Variants in AASS observed in about 807,000 individuals in gnomAD.
AASS encodes the protein alpha-aminoadipic semialdehyde synthase, mitochondrial.
Under a neutral mutation model 105.4 loss-of-function variants are expected in AASS, and 86 were observed. The ratio of observed to expected loss-of-function variants is 0.82; its 90% CI spans 0.69 to 0.98. The LOEUF (loss-of-function observed/expected upper bound fraction) is 0.98, where lower values mean the gene tolerates loss of function less well. Among genes scored for constraint, AASS ranks in the 50% least tolerant of loss-of-function variants. AASS has a pLI of 0.00. For synonymous variants in AASS, 381 were observed against 394.8 expected, an observed-to-expected ratio of 0.96 and a Z score of 0.41; for missense variants, 1,048 against 1,143.2, an observed-to-expected ratio of 0.92 and a Z score of 1.20.
chr7:122,077,749 A>G, intron 23 of AASS, 89 bp downstream of exon 23: 1 of 1,495,008 alleles, frequency 6.7e-7, no homozygotes, highest in Non-Finnish European at 9.3e-7. Flanking sequence ...TGCCTGTGTT[A>G]CGCTCAAGAG....
At chr7:122,089,506 A>G (rs1793795236) in intron 18 of AASS, among the ~76,000 whole-genome samples, 2 of 152,218 alleles carry the variant, frequency 1.3e-5, no homozygotes, top group Admixed American at 6.5e-5. Flanking sequence ...GAGAACTTCG[A>G]ATTCAACAAA....
intron 18 of AASS, among the ~76,000 whole-genome samples, chr7:122,089,266 G>C (rs1793783135): frequency 6.6e-6 from 1 of 152,086 alleles, no homozygotes; most frequent in African/African-American, 2.4e-5. Context: ...AAATTCTTAA[G>C]ACACAGACAA....
chr7:122,113,508 T>G, intron 10 of AASS, 90 bp downstream of exon 10: 1 of 1,538,094 alleles, frequency 6.5e-7, no homozygotes, highest in Middle Eastern at 2.1e-4. Context: ...TTTTCATAAC[T>G]TCATAAAGAT....
chr7:122,076,449 T>C lies in AASS; in HGVS notation c.*40A>G. 1 of 1,258,060 alleles carries C rather than the reference T, an allele frequency of 7.9e-7. No individual in the cohort carries two copies. The highest frequency in any genetic ancestry group is 1.2e-5 in the South Asian group (1 of 83,942). 77.9% of individuals were successfully genotyped at this position (1,258,060 alleles called of 1,614,324 possible). On this transcript the variant is annotated 3_prime_UTR_variant, in exon 24 of 24. Coordinates refer to ENST00000417368, the MANE Select transcript of AASS (RefSeq NM_005763.4). ...CATTTATCACACACATGTTCAGAGG[T>C]GTATTGCCTGGGAAGAAAAAAACAA... is the stretch of plus-strand genomic sequence containing the variant.
rs1422655472 is a variant in AASS, at chr7:122,079,006, G to A, written c.2397-56C>T. 6.0e-5 allele frequency: 96 copies of A among 1,613,394 alleles called. No homozygotes were observed. The East Asian group carries it at 1.8e-3, about 30-fold the overall frequency. ...TCAAGTCCTATACATGTTCTCATTT[G>A]GGAAGCAAAAGGGAGCTCCTTGAAT... On this transcript the variant is annotated intron_variant, in intron 21 of 23. Transcript: ENST00000417368.
At chr7:122,115,329 T>G (rs546446373) in intron 8 of AASS, 107 bp from the exon 9 acceptor site, 163 of 1,387,208 alleles carry the variant, frequency 1.2e-4, no homozygotes, top group Admixed American at 3.1e-4. Context: ...TAAATGTAAC[T>G]TCTAATTGAT....
At chr7:122,101,537 G>T in intron 12 of AASS, 84 bp downstream of exon 12, 1 of 1,471,642 alleles carries the variant, frequency 6.8e-7, no homozygotes, top group Non-Finnish European at 9.5e-7. Context: ...TGACAAAGAT[G>T]GAGAGAGAGA....
chr7:122,116,559 A>C, intron 8 of AASS, 74 bp downstream of exon 8: 1 of 1,589,382 alleles, frequency 6.3e-7, no homozygotes, highest in Non-Finnish European at 8.6e-7. Context: ...ACAATTCATA[A>C]TTTCTCTCCT....
intron 17 of AASS, 39 bp downstream of exon 17, chr7:122,092,804 G>A (rs1793970164): frequency 2.0e-6 from 3 of 1,463,760 alleles, no homozygotes. Flanking sequence ...CAAGAATTTA[G>A]ACATTTTAAT....
chr7:122,110,771 T>C (rs1794896686), intron 11 of AASS, among the ~76,000 whole-genome samples: 1 of 151,550 alleles, frequency 6.6e-6, no homozygotes, highest in South Asian at 2.1e-4. Context: ...TGTGGAGATA[T>C]ATATATATAT....
chr7:122,101,537 G>GGA, intron 12 of AASS, 84 bp downstream of exon 12: 4 of 1,471,644 alleles, frequency 2.7e-6, no homozygotes, highest in South Asian at 1.1e-5. Flanking sequence ...TGACAAAGAT[G>GGA]GAGAGAGAGA....
At chr7:122,101,057 G>T (rs991078970) in intron 13 of AASS, among the ~76,000 whole-genome samples, 1 of 151,816 alleles carries the variant, frequency 6.6e-6, no homozygotes, top group Non-Finnish European at 1.5e-5. Flanking sequence ...ACCGAGGCAT[G>T]ATCATGTATC....
At chr7:122,126,509 A>C in intron 3 of AASS, 50 bp from the exon 4 acceptor site, 1 of 1,461,166 alleles carries the variant, frequency 6.8e-7, no homozygotes, top group Non-Finnish European at 9.6e-7. Context: ...GCTTAATTTT[A>C]ACAAGTAAAG....
chr7:122,098,096 TATTGAATG>T (rs1453704392), intron 15 of AASS, among the ~76,000 whole-genome samples: 2 of 151,996 alleles, frequency 1.3e-5, no homozygotes, highest in Non-Finnish European at 2.9e-5. Flanking sequence ...AATGAGGATA[TATTGAATG>T]ATTCCAATTA....
chr7:122,134,715 G>A (rs1348298026), intron 1 of AASS, among the ~76,000 whole-genome samples: 1 of 152,044 alleles, frequency 6.6e-6, no homozygotes, highest in African/African-American at 2.4e-5. Context: ...AAGACAATGT[G>A]GCGATTCCTC....
chr7:122,088,794 A>G (rs750896018), intron 18 of AASS, among the ~76,000 whole-genome samples: 1 of 152,086 alleles, frequency 6.6e-6, no homozygotes, highest in Non-Finnish European at 1.5e-5. Flanking sequence ...AACACTGCAG[A>G]AGATGATGGC....
chr7:122,085,556 G>A (rs1354798468), intron 19 of AASS, among the ~76,000 whole-genome samples: 1 of 151,968 alleles, frequency 6.6e-6, no homozygotes, highest in Non-Finnish European at 1.5e-5. Context: ...CAAAGTAGAT[G>A]GGCACATTTT....
At chr7:122,090,864 C>A (rs1353400193) in intron 18 of AASS, among the ~76,000 whole-genome samples, 1 of 152,066 alleles carries the variant, frequency 6.6e-6, no homozygotes, top group African/African-American at 2.4e-5. Context: ...AACATCCCTG[C>A]CTAGCTGGCA....
At chr7:122,124,167 C>A (rs1240807702) in intron 4 of AASS, among the ~76,000 whole-genome samples, 2 of 152,206 alleles carry the variant, frequency 1.3e-5, no homozygotes, top group Non-Finnish European at 2.9e-5. Flanking sequence ...TCCTCTCCTA[C>A]TTCCCTGAAT....
Sources: gnomAD v4.1 joint callset for allele counts (sites outside exome capture counted in the v4.1 genomes callset) on GRCh38, gnomAD v4.1.1 for gene constraint, MANE v1.5 for transcripts, NCBI Gene and HGNC (gene_info 2026-07-23, HGNC 2026-07-21) for gene names.